The following DNM3 variants were observed in gnomAD, a reference collection of about 807,000 sequenced individuals.
DNM3 encodes dynamin-3.
DNM3 carries 47 observed loss-of-function variants against 101.6 expected under a neutral mutation model. That is an observed-to-expected ratio of 0.46 (90% CI 0.37 to 0.59). The LOEUF is 0.59. Among genes scored for constraint, DNM3 ranks in the 20% least tolerant of loss-of-function variants. DNM3 has a pLI of 0.00. For missense variants in DNM3, 849 were observed against 1,085.7 expected (o/e 0.78, Z 3.06); for synonymous variants, 385 against 387.9 (o/e 0.99, Z 0.09).
chr1:172,224,205 G>A (rs2061018131), intron 14 of DNM3, among the ~76,000 whole-genome samples: 1 of 152,110 alleles, frequency 6.6e-6, no homozygotes, highest in Non-Finnish European at 1.5e-5. Flanking sequence ...TGTGAGCAGT[G>A]TCTTATCACA....
intron 2 of DNM3, among the ~76,000 whole-genome samples, chr1:171,943,185 T>C (rs560913857): frequency 5.3e-5 from 8 of 152,172 alleles, no homozygotes; most frequent in African/African-American, 1.9e-4. Context: ...GACACATGCC[T>C]GGCTTACTGA....
intron 1 of DNM3, among the ~76,000 whole-genome samples, chr1:171,888,443 A>C: frequency 6.6e-6 from 1 of 152,194 alleles, no homozygotes; most frequent in East Asian, 1.9e-4. Context: ...ATAGCATCCT[A>C]ATGTCAACTG....
chr1:171,888,769 A>T (rs2036999241), intron 1 of DNM3, among the ~76,000 whole-genome samples: 1 of 152,204 alleles, frequency 6.6e-6, no homozygotes. Context: ...TAACAAAGAT[A>T]TCTTGGTCAT....
At position 171,854,946 on chromosome 1, in the gene DNM3, A is replaced by C. The variant is rs142270605; in HGVS notation, c.161+13129A>C. Among the ~76,000 whole-genome samples the C allele has an allele frequency of 1.6e-4, 24 of 152,248 alleles. No homozygotes were observed. The East Asian group carries it at 4.6e-3, about 29-fold the overall frequency. ...TTTGTTTTATAGGTAAACTTGTGTC[A>C]TGGGGGCTTGTTGTACAGATTATTT... is the stretch of plus-strand genomic sequence containing the variant. On this transcript the variant is annotated intron_variant, in intron 1 of 20. Transcript: ENST00000627582.
In DNM3 at chr1:172,038,408, C is replaced by T. The variant is rs752419373; in HGVS notation, c.939C>T (p.Ala313=). The T allele has an allele frequency of 1.9e-6, 3 of 1,613,372 alleles. No individual in the cohort carries two copies. Among genetic ancestry groups the T allele is most frequent in the Non-Finnish European group, 2.5e-6 (3 of 1,179,554 alleles). The change falls in exon 7 of 21, where the codon GCC becomes GCT. Residue 313 remains alanine, a synonymous_variant. Transcript: ENST00000627582. ...TCTCCATAGAACATGAAGTAGAAGC[C>T]TACAAAAATTTCAAACCAGAAGACC... ...QLLSIEHEVE[A]YKNFKPEDPT...
chr1:172,118,430 T>A (rs1425574837), intron 13 of DNM3, among the ~76,000 whole-genome samples: 1 of 152,234 alleles, frequency 6.6e-6, no homozygotes, highest in Non-Finnish European at 1.5e-5. Context: ...TTAATTTGAA[T>A]GATTGAATGA....
chr1:171,930,368 T>C (rs1016821306), intron 2 of DNM3, among the ~76,000 whole-genome samples: 2 of 152,172 alleles, frequency 1.3e-5, no homozygotes, highest in Non-Finnish European at 2.9e-5. Context: ...CTCAGCCCCC[T>C]GGATTCAGCC....
At chr1:172,327,996 A>C (rs1475977735) in intron 17 of DNM3, among the ~76,000 whole-genome samples, 1 of 152,146 alleles carries the variant, frequency 6.6e-6, no homozygotes, top group Non-Finnish European at 1.5e-5. Flanking sequence ...AGTTTAATTG[A>C]GGGTAGAAAA....
intron 7 of DNM3, among the ~76,000 whole-genome samples, chr1:172,040,375 A>T (rs1246691375): frequency 1.3e-5 from 2 of 152,306 alleles, no homozygotes; most frequent in South Asian, 2.1e-4. Flanking sequence ...TACAAGTTTT[A>T]GATAGTTTGA....
chr1:172,111,091 G>A (rs895554785), intron 13 of DNM3, among the ~76,000 whole-genome samples: 2 of 152,152 alleles, frequency 1.3e-5, no homozygotes, highest in African/African-American at 4.8e-5. Context: ...TCTGAACATA[G>A]TAAATTCTAA....
intron 14 of DNM3, among the ~76,000 whole-genome samples, chr1:172,143,247 A>T (rs2057685412): frequency 6.6e-6 from 1 of 152,180 alleles, no homozygotes; most frequent in Non-Finnish European, 1.5e-5. Flanking sequence ...TTCAGGAACC[A>T]CTGTAACTTT....
chr1:172,072,232 G>A (rs1177379379), intron 11 of DNM3, among the ~76,000 whole-genome samples: 1 of 152,002 alleles, frequency 6.6e-6, no homozygotes, highest in East Asian at 1.9e-4. Context: ...GAGAAGAGAG[G>A]CAAAACTACA....
intron 4 of DNM3, among the ~76,000 whole-genome samples, chr1:172,025,652 C>T (rs1038516795): frequency 1.5e-4 from 23 of 152,170 alleles, no homozygotes; most frequent in Admixed American, 2.0e-4. Flanking sequence ...TGGTGATACC[C>T]AGGCAAACAG....
chr1:171,891,793 C>T (rs958989955), intron 1 of DNM3, among the ~76,000 whole-genome samples: 1 of 152,196 alleles, frequency 6.6e-6, no homozygotes, highest in Non-Finnish European at 1.5e-5. Flanking sequence ...CTGTTAGTGA[C>T]TTAGCACTGT....
At chr1:172,177,413 G>T (rs1037811022) in intron 14 of DNM3, among the ~76,000 whole-genome samples, 1 of 151,812 alleles carries the variant, frequency 6.6e-6, no homozygotes, top group Non-Finnish European at 1.5e-5. Context: ...TGGGAAAAAA[G>T]ACATGGTATA....
rs139301904 is a variant in DNM3 at position 172,315,767 on chromosome 1, G to A, written c.1881+6928G>A. 4.7e-3 allele frequency among the ~76,000 whole-genome samples: 709 copies of A among 152,332 alleles called. 12 individuals carry two copies. The highest frequency in any genetic ancestry group is 0.016 in the African/African-American group (671 of 41,562). ...AAGACCAAATCTGCGTCTGATTGGT[G>A]TACCTGACAGTGACGGGGAGAATGG... is the stretch of plus-strand genomic sequence containing the variant. On this transcript the variant is annotated intron_variant, in intron 16 of 20. Coordinates refer to ENST00000627582, the MANE Select transcript of DNM3 (RefSeq NM_015569.5).
At chr1:171,928,503 T>C (rs2040754859) in intron 2 of DNM3, among the ~76,000 whole-genome samples, 1 of 152,122 alleles carries the variant, frequency 6.6e-6, no homozygotes, top group African/African-American at 2.4e-5. Context: ...GTCTGTGCTA[T>C]GGGACCAAGC....
At chr1:172,304,646 C>T (rs2064691070) in intron 15 of DNM3, among the ~76,000 whole-genome samples, 1 of 152,132 alleles carries the variant, frequency 6.6e-6, no homozygotes, top group South Asian at 2.1e-4. Context: ...AAGCACTCCT[C>T]AGCAAATGTA....
intron 4 of DNM3, among the ~76,000 whole-genome samples, chr1:172,005,139 C>T (rs1251852372): frequency 6.6e-6 from 1 of 152,002 alleles, no homozygotes; most frequent in African/African-American, 2.4e-5. Context: ...TGACCTTGAA[C>T]AAATTTCTTA....
Sources: gnomAD v4.1 joint callset for allele counts (sites outside exome capture counted in the v4.1 genomes callset) on GRCh38, gnomAD v4.1.1 for gene constraint, MANE v1.5 for transcripts, NCBI Gene and HGNC (gene_info 2026-07-23, HGNC 2026-07-21) for gene names.